SLC51B: variants seen among roughly 807,000 people sequenced by gnomAD.
The protein encoded by SLC51B is organic solute transporter subunit beta.
A neutral mutation model predicts 8.0 loss-of-function variants in SLC51B; 6 were observed. The ratio of observed to expected loss-of-function variants is 0.75; its 90% CI spans 0.41 to 1.48. The LOEUF (loss-of-function observed/expected upper bound fraction) is 1.48, where lower values mean the gene tolerates loss of function less well. SLC51B is among the 40% of genes most tolerant of loss of function. The probability of loss-of-function intolerance (pLI) is 0.01; values close to 1 mark genes in which losing one functional copy is unlikely to be tolerated. For synonymous variants in SLC51B, 61 were observed against 54.8 expected, an observed-to-expected ratio of 1.11 and a Z score of -0.50; for missense variants, 150 against 149.7, an observed-to-expected ratio of 1.00 and a Z score of -0.01.
At chr15:65,052,399 C>CTTT (rs34021026) in intron 3 of SLC51B, among the ~76,000 whole-genome samples, 35 of 76,336 alleles carry the variant, frequency 4.6e-4, no homozygotes, top group African/African-American at 1.2e-3. Context: ...GCATCCTTGG[C>CTTT]TTTTTTTTTT....
intron 1 of SLC51B, among the ~76,000 whole-genome samples, chr15:65,047,831 A>AGATG (rs2086597421): frequency 7.2e-6 from 1 of 138,316 alleles, no homozygotes; most frequent in African/African-American, 2.6e-5. Context: ...ATAGATAGAT[A>AGATG]GATAGAATCT....
At position 65,053,143 on chromosome 15, in the gene SLC51B, T is replaced by C; in HGVS notation, c.366T>C (p.Asp122=). The change falls in exon 4 of 4, where the codon GAT becomes GAC. Residue 122 remains aspartate, a synonymous_variant. Transcript: ENST00000334287. ...ERDVLSVFLP[D]VPETES is the part of the protein sequence containing the mutation. ...ATGTGCTGTCAGTTTTCCTTCCGGA[T>C]GTACCAGAAACTGAGAGCTAGTGAG... 3 of 1,614,092 alleles carry C rather than the reference T, an allele frequency of 1.9e-6. No individual in the cohort carries two copies. The highest frequency in any genetic ancestry group is 1.3e-5 in the African/African-American group (1 of 75,040).
rs751403585 is a variant in SLC51B, at chr15:65,053,035, C to G, written c.258C>G (p.His86Gln). 14 of 1,614,054 alleles carry G rather than the reference C, an allele frequency of 8.7e-6. No homozygotes were observed. Among genetic ancestry groups the G allele is most frequent in the Non-Finnish European group, 1.1e-5 (13 of 1,180,038 alleles). The part of the protein sequence containing the change: ...EVLHLDEAKD[H>Q]NSLNNLRETL... ...TGCATTTGGATGAGGCCAAGGATCACAACAGCCTAAACAACCTAAGAGAAA... is the reference window on the plus strand; with the variant it reads ...TGCATTTGGATGAGGCCAAGGATCAGAACAGCCTAAACAACCTAAGAGAAA... Residue 86 changes from histidine to glutamine, a missense_variant, in exon 4 of 4, where the codon CAC becomes CAG. By Grantham distance (24) the His-to-Gln change is conservative. Coordinates refer to ENST00000334287, the MANE Select transcript of SLC51B (RefSeq NM_178859.4).
intron 1 of SLC51B, among the ~76,000 whole-genome samples, chr15:65,047,904 C>T (rs1387601219): frequency 1.3e-5 from 2 of 152,102 alleles, no homozygotes; most frequent in East Asian, 3.8e-4. Context: ...AAGGGCCAGG[C>T]ACGGTGGCTC....
chr15:65,053,092 G>A lies in SLC51B; in HGVS notation c.315G>A (p.Gln105=), dbSNP rs1453306761. The change falls in exon 4 of 4, where the codon CAG becomes CAA. Residue 105 remains glutamine, a synonymous_variant. Transcript: ENST00000334287. ...TLLSEKPNLA[Q]VELELKERDV... ...TCTCAGAAAAGCCAAACTTGGCCCA[G>A]GTGGAACTTGAGTTAAAAGAGAGAG... The A allele has an allele frequency of 1.9e-6, 3 of 1,614,144 alleles. No homozygotes were observed. Among genetic ancestry groups the A allele is most frequent in the South Asian group, 1.1e-5 (1 of 91,090 alleles).
intron 1 of SLC51B, among the ~76,000 whole-genome samples, chr15:65,048,678 C>T (rs1048355740): frequency 7.9e-5 from 12 of 152,186 alleles, no homozygotes; most frequent in Admixed American, 7.9e-4. Flanking sequence ...CTCCCCAAGA[C>T]ACAGCTTAAT....
rs1262151147 is a variant in SLC51B at position 65,053,057 on chromosome 15, G to A, written c.280G>A (p.Glu94Lys). The change falls in exon 4 of 4, where the codon GAA becomes AAA. Residue 94 changes from glutamate to lysine, a missense_variant. Glu to Lys is a moderately conservative substitution (Grantham distance 56). Transcript: ENST00000334287. ...KDHNSLNNLR[E>K]TLLSEKPNLA... ...TCACAACAGCCTAAACAACCTAAGA[G>A]AAACTTTGCTCTCAGAAAAGCCAAA... is the stretch of plus-strand genomic sequence containing the variant. 1.2e-6 allele frequency: 2 copies of A among 1,614,096 alleles called. No homozygotes were observed. The highest frequency in any genetic ancestry group is 1.7e-6 in the Non-Finnish European group (2 of 1,180,016).
At chr15:65,050,449 C>A (rs1160364300) in intron 2 of SLC51B, among the ~76,000 whole-genome samples, 9 of 152,192 alleles carry the variant, frequency 5.9e-5, no homozygotes, top group African/African-American at 2.2e-4. Context: ...AAATAAACAA[C>A]TAAAACGCAT....
At chr15:65,050,159 GT>G in intron 2 of SLC51B, 58 bp downstream of exon 2, 1 of 1,424,502 alleles carries the variant, frequency 7.0e-7, no homozygotes, top group Non-Finnish European at 9.6e-7. Flanking sequence ...ACAGAGCAGA[GT>G]TTGGCTGAAG....
rs369262980 is a variant in SLC51B, at chr15:65,051,116, T to C, written c.98-399T>C. On this transcript the variant is annotated intron_variant, in intron 2 of 3. Coordinates refer to ENST00000334287, the MANE Select transcript of SLC51B (RefSeq NM_178859.4). ...GACTCGGCTTCCCAAAGTGCTGGGA[T>C]TATAGGCGTGAGCCACTGAGCCCAG... Among the ~76,000 whole-genome samples the C allele has an allele frequency of 2.0e-3, 310 of 152,278 alleles. 1 individual carries two copies. The highest frequency in any genetic ancestry group is 7.3e-3 in the African/African-American group (304 of 41,560).
intron 1 of SLC51B, among the ~76,000 whole-genome samples, chr15:65,048,631 A>T (rs1217106054): frequency 1.3e-5 from 2 of 152,146 alleles, no homozygotes; most frequent in East Asian, 1.9e-4. Context: ...GTTTTATTTT[A>T]GTTACGTTTA....
chr15:65,053,062 T>G lies in SLC51B; in HGVS notation c.285T>G (p.Thr95=), dbSNP rs1204398798. The G allele has an allele frequency of 6.2e-7, 1 of 1,613,962 alleles. No homozygotes were observed. The highest frequency in any genetic ancestry group is 2.2e-5 in the East Asian group (1 of 44,852). The change falls in exon 4 of 4, where the codon ACT becomes ACG. Residue 95 remains threonine (T), a synonymous_variant. Transcript: ENST00000334287. ...ACAGCCTAAACAACCTAAGAGAAAC[T>G]TTGCTCTCAGAAAAGCCAAACTTGG... ...DHNSLNNLRE[T]LLSEKPNLAQ...
chr15:65,051,540 TGCCCTGGCA>T lies in SLC51B; in HGVS notation c.126_134del (p.Leu43_Ala45del), dbSNP rs1436559927. ...CATCTCCCTGGAATCATTCCATCCT[TGCCCTGGCA>T]GCTGTGGTGGTCATTATAAGCATGG... On this transcript the variant is annotated inframe_deletion, in exon 3 of 4. Coordinates refer to ENST00000334287, the MANE Select transcript of SLC51B (RefSeq NM_178859.4). The T allele has an allele frequency of 6.2e-7, 1 of 1,613,714 alleles. No homozygotes were observed. Among genetic ancestry groups the T allele is most frequent in the Non-Finnish European group, 8.5e-7 (1 of 1,179,762 alleles).
At chr15:65,051,034 G>A (rs1284026302) in intron 2 of SLC51B, among the ~76,000 whole-genome samples, 2 of 151,910 alleles carry the variant, frequency 1.3e-5, no homozygotes, top group Non-Finnish European at 2.9e-5. Context: ...AGTAGAGACA[G>A]CATTTCACCA....
At chr15:65,052,900 T>C (rs1382036459) in intron 3 of SLC51B, 66 bp from the exon 4 acceptor site, 8 of 1,510,132 alleles carry the variant, frequency 5.3e-6, no homozygotes, top group South Asian at 1.2e-5. Flanking sequence ...TTTAAGCCAT[T>C]TGGGCGACCC....
At chr15:65,046,641 G>A (rs772459965) in intron 1 of SLC51B, among the ~76,000 whole-genome samples, 1 of 152,236 alleles carries the variant, frequency 6.6e-6, no homozygotes, top group Middle Eastern at 3.4e-3. Flanking sequence ...GGCCAGGCGC[G>A]GTGGCTCATG....
At position 65,048,987 on chromosome 15, in the gene SLC51B, G is replaced by A. The variant is rs185656240; in HGVS notation, c.-108-910G>A. On this transcript the variant is annotated intron_variant, in intron 1 of 3. Transcript: ENST00000334287. ...ATCGTGCCACTGCACTCCAGCCTGGGCGACAGAGTGAGACTCCGTCTCAAA... is the reference window on the plus strand; with the variant it reads ...ATCGTGCCACTGCACTCCAGCCTGGACGACAGAGTGAGACTCCGTCTCAAA... Among the ~76,000 whole-genome samples the A allele has an allele frequency of 2.5e-4, 36 of 144,604 alleles. 1 individual carries two copies. Among genetic ancestry groups the A allele is most frequent in the Middle Eastern group, 3.8e-3 (1 of 266 alleles). The allele number at this position is 144,604 out of a possible 152,430, so 94.9% of individuals were successfully genotyped here.
In SLC51B at chr15:65,049,923, G is replaced by A; in HGVS notation, c.-82G>A. On this transcript the variant is annotated 5_prime_UTR_variant, in exon 2 of 4. Coordinates refer to ENST00000334287, the MANE Select transcript of SLC51B (RefSeq NM_178859.4). ...GGTCTTCACGGCTTCTCTGCCCAGG[G>A]GCCAGAACCGAGGAGGCCAGGAGGG... 2 of 1,082,454 alleles carry A rather than the reference G, an allele frequency of 1.8e-6. No individual in the cohort carries two copies. Among genetic ancestry groups the A allele is most frequent in the East Asian group, 2.7e-5 (1 of 36,476 alleles). 67.1% of individuals were successfully genotyped at this position (1,082,454 alleles called of 1,614,324 possible).
intron 3 of SLC51B, 100 bp downstream of exon 3, chr15:65,051,705 T>G: frequency 9.3e-7 from 1 of 1,071,330 alleles, no homozygotes; most frequent in Non-Finnish European, 1.4e-6. Context: ...GGGTCATTGC[T>G]GTCCACCCTT....
Sources: allele counts gnomAD v4.1 joint callset (sites outside exome capture counted in the v4.1 genomes callset), GRCh38; gene constraint gnomAD v4.1.1; transcripts MANE v1.5; gene names NCBI Gene and HGNC (gene_info 2026-07-23, HGNC 2026-07-21).